The following ADAM22 variants were observed in gnomAD, a reference collection of about 807,000 sequenced individuals.
ADAM22 encodes the protein ADAM metallopeptidase domain 22.
A neutral mutation model predicts 144.6 loss-of-function variants in ADAM22; 65 were observed. The observed-to-expected ratio is 0.45, with a 90% CI of 0.37 to 0.55. The LOEUF is 0.55. Among genes scored for constraint, ADAM22 ranks in the 20% least tolerant of loss-of-function variants. The pLI is 0.00. For missense variants in ADAM22, 974 were observed against 1,184.9 expected, an observed-to-expected ratio of 0.82 and a Z score of 2.61; for synonymous variants, 391 against 412.6, an observed-to-expected ratio of 0.95 and a Z score of 0.63.
At chr7:87,957,896 T>C (rs888181068) in intron 2 of ADAM22, among the ~76,000 whole-genome samples, 1 of 152,204 alleles carries the variant, frequency 6.6e-6, no homozygotes, top group Non-Finnish European at 1.5e-5. Context: ...TTTCATACTT[T>C]CATACATACA....
intron 3 of ADAM22, among the ~76,000 whole-genome samples, chr7:87,981,904 T>G (rs1266298211): frequency 1.3e-5 from 2 of 152,054 alleles, no homozygotes; most frequent in Admixed American, 1.3e-4. Context: ...TCACTGTTAT[T>G]AATAAATCTG....
chr7:88,075,460 GTGTC>G (rs1814126349), intron 3 of ADAM22, among the ~76,000 whole-genome samples, 162 bp from the exon 4 acceptor site: 1 of 132,976 alleles, frequency 7.5e-6, no homozygotes, highest in South Asian at 2.9e-4. Context: ...GGGTGTGTGT[GTGTC>G]TGTGTGTGTG....
intron 7 of ADAM22, among the ~76,000 whole-genome samples, chr7:88,124,846 T>C (rs963519644): frequency 6.6e-6 from 1 of 152,026 alleles, no homozygotes; most frequent in Non-Finnish European, 1.5e-5. Context: ...TTCTCCTTTA[T>C]GAACAGTATC....
Position 88,187,833 on chromosome 7 carries a change from T to G in ADAM22, c.2750+1132T>G, listed in dbSNP as rs1410534282. On this transcript the variant is annotated intron_variant, in intron 30 of 31. Transcript: ENST00000413139. ...GAGAAAATGATTAGACCTACCTGCC[T>G]TTTAATTTGATCCATAACATTTGCA... Among the ~76,000 whole-genome samples, 2 of 152,152 alleles carry G rather than the reference T, an allele frequency of 1.3e-5. 1 individual carries two copies. The highest frequency in any genetic ancestry group is 1.3e-4 in the Admixed American group (2 of 15,284).
At chr7:88,104,689 T>C (rs2129487132) in intron 4 of ADAM22, among the ~76,000 whole-genome samples, 1 of 152,190 alleles carries the variant, frequency 6.6e-6, no homozygotes, top group African/African-American at 2.4e-5. Context: ...TGATTAATAG[T>C]CCCTGAAAAA....
chr7:88,113,928 G>C (rs1249817914), intron 5 of ADAM22, among the ~76,000 whole-genome samples: 4 of 150,920 alleles, frequency 2.7e-5, no homozygotes, highest in African/African-American at 9.7e-5. Flanking sequence ...CATCTGTCTG[G>C]GCTCTGTTCC....
intron 3 of ADAM22, among the ~76,000 whole-genome samples, chr7:88,022,831 T>C (rs1434559675): frequency 6.6e-6 from 1 of 152,216 alleles, no homozygotes; most frequent in Non-Finnish European, 1.5e-5. Flanking sequence ...AACTTTATAT[T>C]AACCATCACT....
chr7:88,078,096 T>C (rs1191622481), intron 4 of ADAM22, among the ~76,000 whole-genome samples: 1 of 152,172 alleles, frequency 6.6e-6, no homozygotes, highest in Non-Finnish European at 1.5e-5. Flanking sequence ...CACCCCCCAG[T>C]AGGGTCAGAC....
intron 29 of ADAM22, among the ~76,000 whole-genome samples, chr7:88,183,301 G>A (rs1393291501): frequency 6.6e-6 from 1 of 152,106 alleles, no homozygotes; most frequent in Non-Finnish European, 1.5e-5. Flanking sequence ...CCTAGTAAGA[G>A]CTCCTTAACT....
chr7:88,132,860 C>G lies in ADAM22; in HGVS notation c.993-7C>G, dbSNP rs576672374. ...CAGTAAGCATTTTTCATTTCCTTTT[C>G]TAAAAGGGGAAGTCAATTTGAGAGT... On this transcript the variant is annotated splice_region_variant and splice_polypyrimidine_tract_variant and intron_variant, in intron 11 of 31. Transcript: ENST00000413139. The G allele has an allele frequency of 1.2e-6, 2 of 1,613,190 alleles. No homozygotes were observed. Among genetic ancestry groups the G allele is most frequent in the Non-Finnish European group, 1.7e-6 (2 of 1,179,398 alleles).
intron 7 of ADAM22, among the ~76,000 whole-genome samples, chr7:88,118,248 G>A (rs935353052): frequency 6.6e-6 from 1 of 152,110 alleles, no homozygotes; most frequent in Non-Finnish European, 1.5e-5. Flanking sequence ...GAAAATAAAT[G>A]TTTCCTAATG....
intron 27 of ADAM22, among the ~76,000 whole-genome samples, chr7:88,179,473 T>A (rs1000702755): frequency 4.6e-5 from 7 of 152,192 alleles, no homozygotes; most frequent in Admixed American, 1.3e-4. Flanking sequence ...GAGTATTTTT[T>A]AATTTTATAT....
At chr7:88,140,327 CTGTGG>C (rs1834232640) in intron 14 of ADAM22, among the ~76,000 whole-genome samples, 1 of 152,024 alleles carries the variant, frequency 6.6e-6, no homozygotes, top group African/African-American at 2.4e-5. Context: ...TAGGTTCCTC[CTGTGG>C]TTGCACCATT....
intron 3 of ADAM22, among the ~76,000 whole-genome samples, chr7:88,046,857 G>C (rs1467120921): frequency 1.3e-5 from 2 of 151,772 alleles, no homozygotes; most frequent in Non-Finnish European, 2.9e-5. Context: ...GTTCTTTAAT[G>C]TGCACTGGCC....
At position 88,038,451 on chromosome 7, in the gene ADAM22, C is replaced by CT. The variant is rs11344988; in HGVS notation, c.324-37159dup. Among the ~76,000 whole-genome samples the CT allele has an allele frequency of 9.6e-3, 1,346 of 139,610 alleles. 11 individuals carry two copies. Among genetic ancestry groups the CT allele is most frequent in the African/African-American group, 0.029 (1,111 of 38,234 alleles). 91.6% of individuals were successfully genotyped at this position (139,610 alleles called of 152,430 possible). On this transcript the variant is annotated intron_variant, in intron 3 of 31. Coordinates refer to ENST00000413139, the MANE Select transcript of ADAM22 (RefSeq NM_001324418.2). ...AACAGAATGATACATCTCTGCTATT[C>CT]TTTTTTTTTTTTTTTTCTTTTGAGA...
intron 4 of ADAM22, among the ~76,000 whole-genome samples, chr7:88,082,124 G>A (rs1355924418): frequency 1.3e-5 from 2 of 152,110 alleles, no homozygotes; most frequent in African/African-American, 4.8e-5. Context: ...GTATGGTACT[G>A]GTACCAAAAC....
intron 22 of ADAM22, among the ~76,000 whole-genome samples, chr7:88,158,513 C>T (rs1321559452): frequency 1.3e-5 from 2 of 152,096 alleles, no homozygotes; most frequent in Non-Finnish European, 2.9e-5. Flanking sequence ...ATAAAACAAT[C>T]CTCAGCAAAT....
chr7:88,155,925 G>A lies in ADAM22; in HGVS notation c.1826G>A (p.Gly609Asp), dbSNP rs758740063. The A allele has an allele frequency of 3.7e-6, 6 of 1,613,208 alleles. No homozygotes were observed. In the East Asian group the frequency reaches 1.1e-4, roughly 30 times the overall value. The change falls in exon 22 of 32, where the codon GGC (glycine) becomes GAC (aspartate). Residue 609 changes from glycine (G) to aspartate (D), a missense_variant. This residue lies in a region of ADAM22 where 734 missense variants were observed against 950.6 expected (regional missense o/e 0.77). Transcript: ENST00000413139. ...GGTTACCTTTTGTGTACCAATATTG[G>A]CAATATCCCAAGGCTTGGAGAACTC... is the stretch of plus-strand genomic sequence containing the variant. ...LCGYLLCTNI[G>D]NIPRLGELDG...
intron 3 of ADAM22, among the ~76,000 whole-genome samples, chr7:88,051,354 T>C (rs554664342): frequency 6.6e-6 from 1 of 152,284 alleles, no homozygotes; most frequent in African/African-American, 2.4e-5. Flanking sequence ...ATATACACCA[T>C]GGAATACTAT....
Sources: allele counts gnomAD v4.1 joint callset (sites outside exome capture counted in the v4.1 genomes callset), GRCh38; gene constraint gnomAD v4.1.1; regional missense constraint gnomAD v4.1.1; transcripts MANE v1.5; gene names NCBI Gene and HGNC (gene_info 2026-07-23, HGNC 2026-07-21).